The following VTI1A variants were observed in gnomAD, a reference collection of about 807,000 sequenced individuals.
The protein encoded by VTI1A is vesicle transport through interaction with t-SNAREs homolog 1A.
Under a neutral mutation model 34.9 loss-of-function variants are expected in VTI1A, and 22 were observed. That is an observed-to-expected ratio of 0.63 (90% CI 0.45 to 0.90). The LOEUF (loss-of-function observed/expected upper bound fraction) is 0.90. VTI1A is among the 40% of genes least tolerant of loss of function. The probability of loss-of-function intolerance (pLI) is 0.00; values close to 1 mark genes in which losing one functional copy is unlikely to be tolerated. For synonymous variants in VTI1A, 87 were observed against 97.3 expected (o/e 0.89, Z 0.62); for missense variants, 268 against 275.6 (o/e 0.97, Z 0.20).
chr10:112,800,746 C>T (rs1423157808), intron 7 of VTI1A, among the ~76,000 whole-genome samples: 2 of 152,086 alleles, frequency 1.3e-5, no homozygotes, highest in Admixed American at 6.5e-5. Context: ...TTTATTTTGC[C>T]CAGTAGGAAA....
chr10:112,763,721 C>T (rs938996320), intron 7 of VTI1A, among the ~76,000 whole-genome samples: 1 of 152,040 alleles, frequency 6.6e-6, no homozygotes. Flanking sequence ...GGTTTGGGAC[C>T]TATTTTATCC....
At chr10:112,654,610 AG>A (rs1246356531) in intron 5 of VTI1A, among the ~76,000 whole-genome samples, 1 of 152,022 alleles carries the variant, frequency 6.6e-6, no homozygotes. Context: ...CTCCTGCCTC[AG>A]CCTCCCGAGT....
At chr10:112,505,238 T>C (rs1007517814) in intron 3 of VTI1A, among the ~76,000 whole-genome samples, 5 of 152,188 alleles carry the variant, frequency 3.3e-5, no homozygotes, top group Non-Finnish European at 7.4e-5. Flanking sequence ...TTTAATCCTG[T>C]TTGTCTTGTC....
intron 7 of VTI1A, among the ~76,000 whole-genome samples, chr10:112,756,377 A>G (rs1590156131): frequency 6.6e-6 from 1 of 152,158 alleles, no homozygotes; most frequent in African/African-American, 2.4e-5. Context: ...TCAGCCATTC[A>G]GTTCCACGCA....
rs375200897 is a variant in VTI1A, at chr10:112,447,418, C to T, written c.45C>T (p.Leu15=). The change falls in exon 1 of 8, where the codon CTC becomes CTT. Residue 15 remains leucine (L), a synonymous_variant. Transcript: ENST00000393077. ...GTTACGAGCAGGACTTCGCGGTGCT[C>T]ACTGCAGAGATCACCAGCAAGATTG... ...FEGYEQDFAV[L]TAEITSKIAR... 11 of 1,613,582 alleles carry T rather than the reference C, an allele frequency of 6.8e-6. 1 individual carries two copies. In the African/African-American group the frequency reaches 1.2e-4, roughly 18 times the overall value.
chr10:112,472,522 G>C (rs1037568337), intron 3 of VTI1A, among the ~76,000 whole-genome samples: 4 of 151,144 alleles, frequency 2.6e-5, no homozygotes, highest in African/African-American at 9.7e-5. Context: ...AGTAAAGCCA[G>C]TACCCATATT....
intron 7 of VTI1A, among the ~76,000 whole-genome samples, chr10:112,779,454 A>G (rs988114012): frequency 3.9e-5 from 6 of 152,226 alleles, no homozygotes; most frequent in African/African-American, 1.4e-4. Flanking sequence ...TGTTGTGAAC[A>G]TATCTACATA....
chr10:112,503,294 C>T (rs1849309259), intron 3 of VTI1A, among the ~76,000 whole-genome samples: 1 of 152,168 alleles, frequency 6.6e-6, no homozygotes, highest in South Asian at 2.1e-4. Context: ...CTGTGGTAAC[C>T]ACCAATCTGT....
At chr10:112,740,436 C>T (rs947562780) in intron 7 of VTI1A, among the ~76,000 whole-genome samples, 19 of 152,174 alleles carry the variant, frequency 1.2e-4, no homozygotes, top group Non-Finnish European at 2.5e-4. Context: ...ACCACAGGCA[C>T]GTCCCACAAC....
At chr10:112,567,725 T>C (rs1002615948) in intron 5 of VTI1A, among the ~76,000 whole-genome samples, 1 of 152,208 alleles carries the variant, frequency 6.6e-6, no homozygotes, top group African/African-American at 2.4e-5. Context: ...GTGGTATGAT[T>C]TGGAGTGCTT....
chr10:112,451,394 G>T (rs1847234126), intron 1 of VTI1A, among the ~76,000 whole-genome samples: 1 of 152,166 alleles, frequency 6.6e-6, no homozygotes, highest in African/African-American at 2.4e-5. Flanking sequence ...GATTAGCTAG[G>T]ACCCCGCTCT....
intron 5 of VTI1A, among the ~76,000 whole-genome samples, chr10:112,539,476 ATGGACAGCCCTTCATCC>A (rs1303364389): frequency 2.0e-5 from 3 of 152,220 alleles, no homozygotes; most frequent in Non-Finnish European, 4.4e-5. Flanking sequence ...TTTAATAGTT[ATGGACAGCCCTTCATCC>A]TGAGGTAATT....
chr10:112,704,866 T>A (rs2133907532), intron 7 of VTI1A, among the ~76,000 whole-genome samples: 1 of 152,232 alleles, frequency 6.6e-6, no homozygotes, highest in African/African-American at 2.4e-5. Flanking sequence ...GGTAATGAGA[T>A]AATGAGGGTC....
At chr10:112,563,123 T>C (rs1851784495) in intron 5 of VTI1A, among the ~76,000 whole-genome samples, 2 of 152,212 alleles carry the variant, frequency 1.3e-5, no homozygotes, top group African/African-American at 4.8e-5. Context: ...GTTTACGGCT[T>C]AATTTTAATC....
the VTI1A span, among the ~76,000 whole-genome samples, chr10:112,844,493 GGTTGAA>G: frequency 6.6e-6 from 1 of 152,186 alleles, no homozygotes; most frequent in Admixed American, 6.5e-5. Context: ...CCACCTCCCG[GGTTGAA>G]GCGATTCTCC....
chr10:112,597,899 G>A (rs1009232752), intron 5 of VTI1A, among the ~76,000 whole-genome samples: 1 of 150,414 alleles, frequency 6.6e-6, no homozygotes, highest in South Asian at 2.1e-4. Context: ...GGGTTTCACC[G>A]CGTTAGCCAG....
At chr10:112,673,066 C>T (rs1342904970) in intron 7 of VTI1A, among the ~76,000 whole-genome samples, 1 of 152,006 alleles carries the variant, frequency 6.6e-6, no homozygotes, top group African/African-American at 2.4e-5. Flanking sequence ...CCCGTAATCC[C>T]AACACTTTGG....
chr10:112,578,735 C>A (rs1342673616), intron 5 of VTI1A, among the ~76,000 whole-genome samples: 1 of 152,130 alleles, frequency 6.6e-6, no homozygotes, highest in African/African-American at 2.4e-5. Context: ...ACAATAATAT[C>A]TTGAATTTGA....
chr10:112,540,730 C>T (rs1850834553), intron 5 of VTI1A, among the ~76,000 whole-genome samples: 1 of 152,206 alleles, frequency 6.6e-6, no homozygotes, highest in African/African-American at 2.4e-5. Flanking sequence ...CAATCCATAG[C>T]TCTGTGTTTT....
Sources: allele counts gnomAD v4.1 joint callset (sites outside exome capture counted in the v4.1 genomes callset), GRCh38; gene constraint gnomAD v4.1.1; transcripts MANE v1.5; gene names NCBI Gene and HGNC (gene_info 2026-07-23, HGNC 2026-07-21).